Variants in AK5 observed in about 807,000 individuals in gnomAD.
The protein encoded by AK5 is adenylate kinase 5.
Under a neutral mutation model 69.5 loss-of-function variants are expected in AK5, and 27 were observed. The ratio of observed to expected loss-of-function variants is 0.39; its 90% CI spans 0.29 to 0.54. AK5 has a LOEUF of 0.54. Among genes scored for constraint, AK5 ranks in the 20% least tolerant of loss-of-function variants. AK5 has a pLI of 0.71. For synonymous variants in AK5, 260 were observed against 244.4 expected, an observed-to-expected ratio of 1.06 and a Z score of -0.60; for missense variants, 531 against 700.4, an observed-to-expected ratio of 0.76 and a Z score of 2.73.
chr1:77,502,739 T>A (rs1656795463), intron 10 of AK5, among the ~76,000 whole-genome samples: 1 of 152,132 alleles, frequency 6.6e-6, no homozygotes, highest in Admixed American at 6.6e-5. Flanking sequence ...GCAGCAGAGT[T>A]TAGCTGCACC....
At chr1:77,520,102 C>A (rs1047296130) in intron 11 of AK5, among the ~76,000 whole-genome samples, 1 of 150,846 alleles carries the variant, frequency 6.6e-6, no homozygotes, top group Non-Finnish European at 1.5e-5. Flanking sequence ...ACCTGGAAGA[C>A]TGAGGCAGGG....
intron 5 of AK5, among the ~76,000 whole-genome samples, chr1:77,337,309 T>C (rs185267448): frequency 6.6e-6 from 1 of 152,314 alleles, no homozygotes; most frequent in East Asian, 1.9e-4. Flanking sequence ...GAGAAGCACT[T>C]ACATTAACAG....
intron 6 of AK5, among the ~76,000 whole-genome samples, chr1:77,384,856 A>G (rs1314759726): frequency 6.6e-6 from 1 of 152,138 alleles, no homozygotes; most frequent in Non-Finnish European, 1.5e-5. Context: ...TACAAGTGAT[A>G]ACCAATTAGT....
At chr1:77,291,612 T>C (rs1256391574) in intron 2 of AK5, among the ~76,000 whole-genome samples, 2 of 152,308 alleles carry the variant, frequency 1.3e-5, no homozygotes, top group Admixed American at 1.3e-4. Context: ...TTTTATCTTC[T>C]GAGTTTTCTC....
At chr1:77,431,924 G>A (rs1651665380) in intron 8 of AK5, among the ~76,000 whole-genome samples, 1 of 152,170 alleles carries the variant, frequency 6.6e-6, no homozygotes, top group Non-Finnish European at 1.5e-5. Context: ...AGTTTGGAAA[G>A]GCAATTGCTG....
At chr1:77,283,530 T>C (rs549642806) in intron 1 of AK5, 11 of 985,444 alleles carry the variant, frequency 1.1e-5, no homozygotes, top group Non-Finnish European at 1.3e-5. Flanking sequence ...ATCTTTAAAA[T>C]GGGTTGCCAT....
chr1:77,405,736 G>A (rs1246911334), intron 6 of AK5, among the ~76,000 whole-genome samples: 1 of 152,132 alleles, frequency 6.6e-6, no homozygotes, highest in Non-Finnish European at 1.5e-5. Flanking sequence ...AAAGACAGGA[G>A]ACTGGAGGAA....
At chr1:77,497,706 G>GC (rs36083236) in intron 10 of AK5, among the ~76,000 whole-genome samples, 1 of 151,824 alleles carries the variant, frequency 6.6e-6, no homozygotes, top group African/African-American at 2.4e-5. Context: ...TCCCACCTCG[G>GC]CCCCCGGAGT....
At chr1:77,286,091 G>C (rs1658332821) in intron 1 of AK5, among the ~76,000 whole-genome samples, 1 of 152,144 alleles carries the variant, frequency 6.6e-6, no homozygotes, top group African/African-American at 2.4e-5. Context: ...GGGATTCAGA[G>C]AAGACTTCCT....
intron 13 of AK5, among the ~76,000 whole-genome samples, chr1:77,550,397 A>G: frequency 6.6e-6 from 1 of 152,232 alleles, no homozygotes; most frequent in East Asian, 1.9e-4. Context: ...TGTTCATGAT[A>G]AAAGAGGGTT....
chr1:77,519,207 A>G (rs1259474516), intron 11 of AK5, among the ~76,000 whole-genome samples: 1 of 152,202 alleles, frequency 6.6e-6, no homozygotes, highest in East Asian at 1.9e-4. Context: ...ATCTCTAAGA[A>G]GCTGAATGGT....
intron 6 of AK5, among the ~76,000 whole-genome samples, chr1:77,406,705 G>GTAAAAAAAAAAAA (rs1649678945): frequency 7.1e-6 from 1 of 140,312 alleles, no homozygotes; most frequent in African/African-American, 2.6e-5. Flanking sequence ...TGATGCTGAG[G>GTAAAAAAAAAAAA]AAAAAAAAAA....
At chr1:77,404,448 G>T (rs17380036) in intron 6 of AK5, among the ~76,000 whole-genome samples, 43,346 of 151,840 alleles carry the variant, frequency 0.29, 7,683 homozygotes, top group Non-Finnish European at 0.38. Context: ...GAGAAAAAAA[G>T]GTTGATGATC....
intron 8 of AK5, among the ~76,000 whole-genome samples, chr1:77,418,991 A>G (rs974441845): frequency 1.3e-5 from 2 of 152,116 alleles, no homozygotes; most frequent in Admixed American, 6.6e-5. Flanking sequence ...TTCTTATATT[A>G]ACTCAGCAAT....
chr1:77,385,516 C>T (rs1647961983), intron 6 of AK5, among the ~76,000 whole-genome samples: 2 of 152,162 alleles, frequency 1.3e-5, no homozygotes, highest in South Asian at 2.1e-4. Flanking sequence ...CTCTTCTCTG[C>T]ACCCCTCTCA....
intron 6 of AK5, among the ~76,000 whole-genome samples, chr1:77,342,276 A>G (rs1661696679): frequency 6.6e-6 from 1 of 152,314 alleles, no homozygotes. Flanking sequence ...TGTAAGGTGC[A>G]GGGCCAGATT....
rs114676891 is a variant in AK5 at position 77,360,615 on chromosome 1, A to G, written c.891+20047A>G. ...TAGAAGGGGAAAGGAGGAATGGAGA[A>G]AAGAGTTTTTGGTGTGTTTGTGTGC... On this transcript the variant is annotated intron_variant, in intron 6 of 13. Coordinates refer to ENST00000354567, the MANE Select transcript of AK5 (RefSeq NM_174858.3). Among the ~76,000 whole-genome samples the G allele has an allele frequency of 4.1e-3, 617 of 152,222 alleles. 4 individuals are homozygous for G. The highest frequency in any genetic ancestry group is 0.014 in the African/African-American group (592 of 41,544).
intron 6 of AK5, among the ~76,000 whole-genome samples, chr1:77,374,820 A>AG (rs1647194214): frequency 7.1e-6 from 1 of 140,974 alleles, no homozygotes; most frequent in Non-Finnish European, 1.6e-5. Context: ...ACCCTGTCTC[A>AG]GAAAAAAAAA....
chr1:77,306,099 T>C (rs944259540), intron 5 of AK5, among the ~76,000 whole-genome samples: 4 of 152,158 alleles, frequency 2.6e-5, no homozygotes, highest in Non-Finnish European at 4.4e-5. Context: ...TTGCTCTAGC[T>C]AGGACTTCTA....
Sources: allele counts gnomAD v4.1 joint callset (sites outside exome capture counted in the v4.1 genomes callset), GRCh38; gene constraint gnomAD v4.1.1; transcripts MANE v1.5; gene names NCBI Gene and HGNC (gene_info 2026-07-23, HGNC 2026-07-21).